IGSF21: variants seen among roughly 807,000 people sequenced by gnomAD.
IGSF21 encodes immunoglobin superfamily member 21, also known as immunoglobulin superfamily member 21.
A neutral mutation model predicts 46.8 loss-of-function variants in IGSF21; 28 were observed. That is an observed-to-expected ratio of 0.60 (90% confidence interval 0.44 to 0.82). The LOEUF is 0.82. Among genes scored for constraint, IGSF21 ranks in the 40% least tolerant of loss-of-function variants. IGSF21 has a pLI of 0.00. For synonymous variants in IGSF21, 284 were observed against 273.6 expected, an observed-to-expected ratio of 1.04 and a Z score of -0.38; for missense variants, 624 against 665.5, an observed-to-expected ratio of 0.94 and a Z score of 0.69.
intron 6 of IGSF21, among the ~76,000 whole-genome samples, chr1:18,368,394 C>G (rs189146338): frequency 6.6e-6 from 1 of 151,374 alleles, no homozygotes. Flanking sequence ...GCCTATAATC[C>G]CAGCTACTCA....
intron 4 of IGSF21, among the ~76,000 whole-genome samples, chr1:18,359,385 AGGAAGGAAGGAAGGAAGGAAGGAAGGAAG>A (rs2086065624): frequency 1.5e-5 from 1 of 68,464 alleles, no homozygotes; most frequent in African/African-American, 6.1e-5. Flanking sequence ...AAAGAAAGAA[AGGAAGGAAGGAAGGAAGGAAGGAAGGAAG>A]GAAGGAAGGA....
intron 1 of IGSF21, among the ~76,000 whole-genome samples, chr1:18,120,322 C>T (rs12756842): frequency 0.018 from 2,671 of 152,282 alleles, 35 homozygotes; most frequent in East Asian, 0.072. Flanking sequence ...GCAGCCAACT[C>T]TTGGGGGCCT....
intron 2 of IGSF21, among the ~76,000 whole-genome samples, chr1:18,277,431 A>C (rs1394998598): frequency 6.6e-6 from 1 of 152,032 alleles, no homozygotes; most frequent in Admixed American, 6.6e-5. Context: ...GCTGAGACTC[A>C]CTCACCTCTG....
chr1:18,266,415 T>C (rs1300566773), intron 2 of IGSF21, among the ~76,000 whole-genome samples: 1 of 152,194 alleles, frequency 6.6e-6, no homozygotes, highest in Admixed American at 6.5e-5. Context: ...TGTACAACAA[T>C]AGGCACTTTT....
chr1:18,158,410 C>T (rs747711858), intron 1 of IGSF21, among the ~76,000 whole-genome samples: 8 of 152,116 alleles, frequency 5.3e-5, no homozygotes, highest in Non-Finnish European at 8.8e-5. Flanking sequence ...GCGGTAGGAA[C>T]GAAGAGGAAT....
chr1:18,197,508 A>G (rs1455403790), intron 1 of IGSF21, among the ~76,000 whole-genome samples: 2 of 152,222 alleles, frequency 1.3e-5, no homozygotes, highest in African/African-American at 4.8e-5. Context: ...ACCCTGCTGG[A>G]TGTTCTAATA....
chr1:18,351,392 G>T (rs1225685796), intron 4 of IGSF21, among the ~76,000 whole-genome samples: 2 of 152,206 alleles, frequency 1.3e-5, no homozygotes, highest in East Asian at 1.9e-4. Context: ...CTCGAGCCAG[G>T]TTTCCCAGGC....
intron 1 of IGSF21, among the ~76,000 whole-genome samples, chr1:18,184,161 A>T (rs748109551): frequency 1.3e-5 from 2 of 152,346 alleles, no homozygotes; most frequent in Middle Eastern, 6.8e-3. Context: ...GATATCAAAC[A>T]TAGCCCATTC....
intron 2 of IGSF21, among the ~76,000 whole-genome samples, chr1:18,260,331 G>A (rs2084934934): frequency 6.6e-6 from 1 of 152,240 alleles, no homozygotes; most frequent in African/African-American, 2.4e-5. Context: ...TCTTATCTTT[G>A]TGCTGCAGGG....
At chr1:18,232,160 G>C (rs1168701525) in intron 2 of IGSF21, among the ~76,000 whole-genome samples, 1 of 146,648 alleles carries the variant, frequency 6.8e-6, no homozygotes, top group Non-Finnish European at 1.5e-5. Flanking sequence ...TCCCAGATTT[G>C]AGTGTCCAGG....
chr1:18,164,772 A>G (rs893932581), intron 1 of IGSF21, among the ~76,000 whole-genome samples: 1 of 151,760 alleles, frequency 6.6e-6, no homozygotes, highest in African/African-American at 2.4e-5. Flanking sequence ...TCTAGGGTAC[A>G]TGTGCACAAT....
intron 1 of IGSF21, among the ~76,000 whole-genome samples, chr1:18,177,454 T>C (rs910238733): frequency 6.6e-6 from 1 of 151,882 alleles, no homozygotes; most frequent in African/African-American, 2.4e-5. Context: ...TCTTGGTACA[T>C]ATGCATAAAC....
intron 2 of IGSF21, among the ~76,000 whole-genome samples, chr1:18,274,924 G>C (rs1245515786): frequency 6.6e-6 from 1 of 152,196 alleles, no homozygotes; most frequent in African/African-American, 2.4e-5. Flanking sequence ...TACTAGGGAA[G>C]GCTGAGGCAA....
At chr1:18,276,017 GT>G (rs1332939349) in intron 2 of IGSF21, among the ~76,000 whole-genome samples, 1 of 152,170 alleles carries the variant, frequency 6.6e-6, no homozygotes, top group African/African-American at 2.4e-5. Flanking sequence ...TGGAATTAAG[GT>G]CTTCTTATTT....
At chr1:18,209,425 C>A (rs1286812290) in intron 1 of IGSF21, among the ~76,000 whole-genome samples, 2 of 152,044 alleles carry the variant, frequency 1.3e-5, no homozygotes, top group Middle Eastern at 3.4e-3. Flanking sequence ...CCAATACCTG[C>A]ATACAGAGGG....
intron 3 of IGSF21, among the ~76,000 whole-genome samples, chr1:18,325,666 T>C (rs945082260): frequency 1.3e-5 from 2 of 152,122 alleles, no homozygotes; most frequent in African/African-American, 4.8e-5. Flanking sequence ...CTCAGGGGAT[T>C]CTTGTACATC....
intron 1 of IGSF21, among the ~76,000 whole-genome samples, chr1:18,172,169 T>G (rs2086743250): frequency 6.6e-6 from 1 of 152,168 alleles, no homozygotes; most frequent in Non-Finnish European, 1.5e-5. Context: ...GCTCAAGACT[T>G]CTTATGTGAG....
At chr1:18,374,929 G>A (rs2086265641) in intron 6 of IGSF21, among the ~76,000 whole-genome samples, 1 of 151,996 alleles carries the variant, frequency 6.6e-6, no homozygotes, top group South Asian at 2.1e-4. Context: ...CCTTCCTCCG[G>A]CCCTGGAAAC....
chr1:18,119,329 C>G (rs2086213271), intron 1 of IGSF21, among the ~76,000 whole-genome samples: 2 of 152,234 alleles, frequency 1.3e-5, no homozygotes, highest in Non-Finnish European at 1.5e-5. Flanking sequence ...CCATGTGTGA[C>G]TACTGACATT....
Sources: allele counts gnomAD v4.1 joint callset (sites outside exome capture counted in the v4.1 genomes callset), GRCh38; gene constraint gnomAD v4.1.1; transcripts MANE v1.5; gene names NCBI Gene and HGNC (gene_info 2026-07-23, HGNC 2026-07-21).